RGS9BP: variants seen among roughly 807,000 people sequenced by gnomAD.
RGS9BP encodes regulator of G protein signaling 9 binding protein, also known as regulator of G protein signaling 9-binding protein.
In RGS9BP, 1 loss-of-function variant was observed where a neutral mutation model predicts 3.8. The observed-to-expected ratio is 0.26, with a 90% CI of 0.09 to 1.24. The LOEUF is 1.24. RGS9BP is among the 50% of genes most tolerant of loss of function. The probability of loss-of-function intolerance (pLI) is 0.48; values close to 1 mark genes in which losing one functional copy is unlikely to be tolerated. For synonymous variants in RGS9BP, 200 were observed against 177.8 expected (o/e 1.13, Z -1.00); for missense variants, 363 against 344.3 (o/e 1.05, Z -0.43).
At position 32,676,241 on chromosome 19, in the gene RGS9BP, G is replaced by A. The variant is rs754131587; in HGVS notation, c.-23G>A. 18 of 1,547,750 alleles carry A rather than the reference G, an allele frequency of 1.2e-5. No individual in the cohort carries two copies. The highest frequency in any genetic ancestry group is 1.0e-4 in the South Asian group (9 of 86,084). ...GGGAGGCTAACGGGCGCGGGCGGCC[G>A]GGCCCAGCCGGAGCCCACCGCGATG... On this transcript the variant is annotated 5_prime_UTR_variant, in exon 1 of 1. Coordinates refer to ENST00000334176, the MANE Select transcript of RGS9BP (RefSeq NM_207391.3).
In RGS9BP at chr19:32,676,562, G is replaced by A; in HGVS notation, c.299G>A (p.Gly100Asp). Residue 100 changes from glycine (G) to aspartate (D), a missense_variant, in exon 1 of 1, where the codon GGC (glycine) becomes GAC (aspartate). Physicochemically the swap from Gly to Asp is moderately conservative, Grantham distance 94 (BLOSUM62 -1). Transcript: ENST00000334176. ...GACATGCGACGCGCGCTGGAGCTGGGCGCCGCGTTCCCGCTGCACGCGCCG... is the reference window on the plus strand; with the variant it reads ...GACATGCGACGCGCGCTGGAGCTGGACGCCGCGTTCCCGCTGCACGCGCCG... ...EADMRRALEL[G>D]AAFPLHAPRR... The A allele has an allele frequency of 1.4e-6, 2 of 1,430,816 alleles. No homozygotes were observed. The highest frequency in any genetic ancestry group is 1.8e-6 in the Non-Finnish European group (2 of 1,103,684). The allele number at this position is 1,430,816 out of a possible 1,614,324, so 88.6% of individuals were successfully genotyped here.
rs1341959932 is a variant in RGS9BP, at chr19:32,677,147, C to T, written c.*176C>T. The T allele has an allele frequency of 4.6e-6, 3 of 652,858 alleles. No individual in the cohort carries two copies. Among genetic ancestry groups the T allele is most frequent in the East Asian group, 5.5e-5 (2 of 36,274 alleles). 40.4% of individuals were successfully genotyped at this position (652,858 alleles called of 1,614,324 possible). ...AGGACACGGTTTCCTCTTGCTGGCCCGGGAGGAGTTAACTTTGCGCCGGCC... is the reference window on the plus strand; with the variant it reads ...AGGACACGGTTTCCTCTTGCTGGCCTGGGAGGAGTTAACTTTGCGCCGGCC... On this transcript the variant is annotated 3_prime_UTR_variant, in exon 1 of 1. Coordinates refer to ENST00000334176, the MANE Select transcript of RGS9BP (RefSeq NM_207391.3).
Position 32,678,276 on chromosome 19 carries a change from C to A in RGS9BP, c.*1305C>A, listed in dbSNP as rs542070237. ...TGAAGTTGATAGTCTTCCCCCCCCC[C>A]CACTTTTTTCTTTTTTGAGACAGGG... is the stretch of plus-strand genomic sequence containing the variant. On this transcript the variant is annotated 3_prime_UTR_variant, in exon 1 of 1. Transcript: ENST00000334176. 6.0e-3 allele frequency: 906 copies of A among 150,976 alleles called. 18 individuals carry two copies. Among genetic ancestry groups the A allele is most frequent in the African/African-American group, 0.019 (729 of 37,756 alleles). The allele number at this position is 150,976 out of a possible 1,614,324, so 9.4% of individuals were successfully genotyped here. A position where few individuals can be genotyped will look rare whatever the true frequency, so the allele number is the denominator to read the frequency against.
chr19:32,676,604 G>T lies in RGS9BP; in HGVS notation c.341G>T (p.Arg114Leu), dbSNP rs532414318. ...CACGCGCCGCGGCGGCCGCTGGTGC[G>T]CACAGGTGTGGCTGGCGCCTCCTCC... ...PLHAPRRPLV[R>L]TGVAGASSGV... The change falls in exon 1 of 1, where the codon CGC (arginine) becomes CTC (leucine). Residue 114 changes from arginine (R) to leucine (L), a missense_variant. By Grantham distance (102) the Arg-to-Leu change is moderately radical. Transcript: ENST00000334176. 1 of 1,513,876 alleles carries T rather than the reference G, an allele frequency of 6.6e-7. No homozygotes were observed. The highest frequency in any genetic ancestry group is 2.0e-5 in the Admixed American group (1 of 49,364). The allele number at this position is 1,513,876 out of a possible 1,614,324, so 93.8% of individuals were successfully genotyped here.
At position 32,676,965 on chromosome 19, in the gene RGS9BP, G is replaced by C. The variant is rs748261121; in HGVS notation, c.702G>C (p.Leu234=). ...AVALAVCVAK[L]S ...CCCTAGCCGTGTGCGTGGCGAAGCTGAGCTGACGGACACCCGACGGCCGCC... is the reference window on the plus strand; with the variant it reads ...CCCTAGCCGTGTGCGTGGCGAAGCTCAGCTGACGGACACCCGACGGCCGCC... The change falls in exon 1 of 1, where the codon CTG becomes CTC. Residue 234 remains leucine, a synonymous_variant. Transcript: ENST00000334176. The C allele has an allele frequency of 6.2e-7, 1 of 1,602,858 alleles. No individual in the cohort carries two copies. Among genetic ancestry groups the C allele is most frequent in the Non-Finnish European group, 8.5e-7 (1 of 1,177,388 alleles).
In RGS9BP at chr19:32,677,195, C is replaced by T; in HGVS notation, c.*224C>T. 1.7e-6 allele frequency: 1 copy of T among 605,542 alleles called. No individual in the cohort carries two copies. Among genetic ancestry groups the T allele is most frequent in the Non-Finnish European group, 3.0e-6 (1 of 329,458 alleles). 37.5% of individuals were successfully genotyped at this position (605,542 alleles called of 1,614,324 possible). ...GCCGTCAGGGCATTACCGCTAACGT[C>T]TGCAGGAGCTTTATTCCCTATTAAT... On this transcript the variant is annotated 3_prime_UTR_variant, in exon 1 of 1. Transcript: ENST00000334176.
In RGS9BP at chr19:32,678,024, A is replaced by T. The variant is rs1968038229; in HGVS notation, c.*1053A>T. ...TACTGGCCCACAGAGGTTTTGAGCC[A>T]ATCAGCTCTGAGACTGGGTTAGAAT... On this transcript the variant is annotated 3_prime_UTR_variant, in exon 1 of 1. Coordinates refer to ENST00000334176, the MANE Select transcript of RGS9BP (RefSeq NM_207391.3). The T allele has an allele frequency of 6.0e-6, 1 of 167,144 alleles. No individual in the cohort carries two copies. 10.4% of individuals were successfully genotyped at this position (167,144 alleles called of 1,614,324 possible). A position where few individuals can be genotyped will look rare whatever the true frequency, so the allele number is the denominator to read the frequency against.
In RGS9BP at chr19:32,677,047, TG is replaced by T; in HGVS notation, c.*77del. ...CTCGGGATGGGTGTGGGGTCTGGCC[TG>T]TGCAAGGGGAGTGGTCCTAAAACCC... On this transcript the variant is annotated 3_prime_UTR_variant, in exon 1 of 1. Transcript: ENST00000334176. The T allele has an allele frequency of 7.6e-7, 1 of 1,310,706 alleles. No homozygotes were observed. The highest frequency in any genetic ancestry group is 1.1e-6 in the Non-Finnish European group (1 of 926,904). 81.2% of individuals were successfully genotyped at this position (1,310,706 alleles called of 1,614,324 possible). A position where few individuals can be genotyped will look rare whatever the true frequency, so the allele number is the denominator to read the frequency against.
Position 32,676,305 on chromosome 19 carries a change from C to G in RGS9BP, c.42C>G (p.Asn14Lys). The change falls in exon 1 of 1, where the codon AAC becomes AAG. Residue 14 changes from asparagine to lysine, a missense_variant. Coordinates refer to ENST00000334176, the MANE Select transcript of RGS9BP (RefSeq NM_207391.3). ...GCAAGGCGCTGCTGGACGGGCTCAA[C>G]AAGACGACTGCGTGCTACCACCACC... ...EECKALLDGL[N>K]KTTACYHHLV... 1 of 1,608,040 alleles carries G rather than the reference C, an allele frequency of 6.2e-7. No individual in the cohort carries two copies. The highest frequency in any genetic ancestry group is 8.5e-7 in the Non-Finnish European group (1 of 1,176,832).
chr19:32,676,526 T>C lies in RGS9BP; in HGVS notation c.263T>C (p.Leu88Pro). The C allele has an allele frequency of 2.6e-6, 4 of 1,511,736 alleles. No homozygotes were observed. Among genetic ancestry groups the C allele is most frequent in the Non-Finnish European group, 2.6e-6 (3 of 1,137,552 alleles). 93.6% of individuals were successfully genotyped at this position (1,511,736 alleles called of 1,614,324 possible). Residue 88 changes from leucine to proline, a missense_variant, in exon 1 of 1, where the codon CTG (leucine) becomes CCG (proline). By Grantham distance (98) the Leu-to-Pro change is moderately conservative. Transcript: ENST00000334176. ...GTGGCCTTCTCGGGCTGCCTGGACCTGCTGGAAGCGGACATGCGACGCGCG... is the reference window on the plus strand; with the variant it reads ...GTGGCCTTCTCGGGCTGCCTGGACCCGCTGGAAGCGGACATGCGACGCGCG... ...LWVAFSGCLD[L>P]LEADMRRALE...
At position 32,676,210 on chromosome 19, in the gene RGS9BP, C is replaced by A; in HGVS notation, c.-54C>A. 7.6e-7 allele frequency: 1 copy of A among 1,320,404 alleles called. No individual in the cohort carries two copies. Among genetic ancestry groups the A allele is most frequent in the Non-Finnish European group, 1.1e-6 (1 of 951,656 alleles). 81.8% of individuals were successfully genotyped at this position (1,320,404 alleles called of 1,614,324 possible). A position where few individuals can be genotyped will look rare whatever the true frequency, so the allele number is the denominator to read the frequency against. ...TGGGGGTTAGCCACATCCTGCCGCG[C>A]TGAGGGGGAGGCTAACGGGCGCGGG... On this transcript the variant is annotated 5_prime_UTR_variant, in exon 1 of 1. It adds an upstream start codon to the 5' untranslated region. Coordinates refer to ENST00000334176, the MANE Select transcript of RGS9BP (RefSeq NM_207391.3).
rs368748460 is a variant in RGS9BP, at chr19:32,676,979, C to A, written c.*8C>A. 1.2e-3 allele frequency: 1,976 copies of A among 1,591,876 alleles called. 1 individual carries two copies. The highest frequency in any genetic ancestry group is 1.7e-3 in the Middle Eastern group (8 of 4,800). ...GTGGCGAAGCTGAGCTGACGGACACCCGACGGCCGCCTGCTGCTGCCGCTC... is the reference window on the plus strand; with the variant it reads ...GTGGCGAAGCTGAGCTGACGGACACACGACGGCCGCCTGCTGCTGCCGCTC... On this transcript the variant is annotated 3_prime_UTR_variant, in exon 1 of 1. Coordinates refer to ENST00000334176, the MANE Select transcript of RGS9BP (RefSeq NM_207391.3).
rs1454057690 is a variant in RGS9BP, at chr19:32,675,921, C to G, written c.-343C>G. 4.2e-6 allele frequency: 1 copy of G among 236,722 alleles called. No individual in the cohort carries two copies. Among genetic ancestry groups the G allele is most frequent in the Non-Finnish European group, 8.2e-6 (1 of 122,418 alleles). The allele number at this position is 236,722 out of a possible 1,614,324, so 14.7% of individuals were successfully genotyped here. On this transcript the variant is annotated 5_prime_UTR_variant, in exon 1 of 1. Coordinates refer to ENST00000334176, the MANE Select transcript of RGS9BP (RefSeq NM_207391.3). ...AGCCTGCTTGCCCCGGAGTTGGCAC[C>G]CACGGAGGATGGGGACCGCACCCTC...
Position 32,677,099 on chromosome 19 carries a change from T to C in RGS9BP, c.*128T>C. ...CGTGTGTGCATGGGTACACGCGCGTTTCCAGTGCACATCTGCCTGGGCAGG... is the reference window on the plus strand; with the variant it reads ...CGTGTGTGCATGGGTACACGCGCGTCTCCAGTGCACATCTGCCTGGGCAGG... On this transcript the variant is annotated 3_prime_UTR_variant, in exon 1 of 1. Coordinates refer to ENST00000334176, the MANE Select transcript of RGS9BP (RefSeq NM_207391.3). 1.2e-6 allele frequency: 1 copy of C among 811,474 alleles called. No homozygotes were observed. Among genetic ancestry groups the C allele is most frequent in the Non-Finnish European group, 2.1e-6 (1 of 480,440 alleles). 50.3% of individuals were successfully genotyped at this position (811,474 alleles called of 1,614,324 possible). A position where few individuals can be genotyped will look rare whatever the true frequency, so the allele number is the denominator to read the frequency against.
In RGS9BP at chr19:32,677,143, G is replaced by T. The variant is rs1968025435; in HGVS notation, c.*172G>T. The T allele has an allele frequency of 4.6e-6, 3 of 656,708 alleles. No individual in the cohort carries two copies. The South Asian group carries it at 5.3e-5, about 12-fold the overall frequency. 40.7% of individuals were successfully genotyped at this position (656,708 alleles called of 1,614,324 possible). On this transcript the variant is annotated 3_prime_UTR_variant, in exon 1 of 1. Transcript: ENST00000334176. ...GGGCAGGACACGGTTTCCTCTTGCT[G>T]GCCCGGGAGGAGTTAACTTTGCGCC...
At position 32,676,628 on chromosome 19, in the gene RGS9BP, C is replaced by T. The variant is rs749927570; in HGVS notation, c.365C>T (p.Ser122Phe). 6 of 1,530,486 alleles carry T rather than the reference C, an allele frequency of 3.9e-6. No individual in the cohort carries two copies. In the African/African-American group the frequency reaches 8.3e-5, roughly 21 times the overall value. 94.8% of individuals were successfully genotyped at this position (1,530,486 alleles called of 1,614,324 possible). A position where few individuals can be genotyped will look rare whatever the true frequency, so the allele number is the denominator to read the frequency against. Residue 122 changes from serine (S) to phenylalanine (F), a missense_variant, in exon 1 of 1, where the codon TCC becomes TTC. Physicochemically the swap from Ser to Phe is radical, Grantham distance 155. Coordinates refer to ENST00000334176, the MANE Select transcript of RGS9BP (RefSeq NM_207391.3). ...LVRTGVAGAS[S>F]GVAARALSTR... ...CGCACAGGTGTGGCTGGCGCCTCCT[C>T]CGGCGTGGCGGCGCGCGCGCTGAGC...
In RGS9BP at chr19:32,676,515, C is replaced by A; in HGVS notation, c.252C>A (p.Gly84=). Residue 84 remains glycine (G), a synonymous_variant, in exon 1 of 1, where the codon GGC becomes GGA. Coordinates refer to ENST00000334176, the MANE Select transcript of RGS9BP (RefSeq NM_207391.3). ...AGCGGCTCTGGGTGGCCTTCTCGGG[C>A]TGCCTGGACCTGCTGGAAGCGGACA... ...EFERLWVAFS[G]CLDLLEADMR... 1 of 1,522,076 alleles carries A rather than the reference C, an allele frequency of 6.6e-7. No homozygotes were observed. Among genetic ancestry groups the A allele is most frequent in the Admixed American group, 2.0e-5 (1 of 49,878 alleles). The allele number at this position is 1,522,076 out of a possible 1,614,324, so 94.3% of individuals were successfully genotyped here. A position where few individuals can be genotyped will look rare whatever the true frequency, so the allele number is the denominator to read the frequency against.
rs1196988731 is a variant in RGS9BP at position 32,677,979 on chromosome 19, C to T, written c.*1008C>T. ...CTCCCTGACCCCCGCGCTGCCCGCC[C>T]CTCCGGGGTAATGTGGCATTACTGG... On this transcript the variant is annotated 3_prime_UTR_variant, in exon 1 of 1. Coordinates refer to ENST00000334176, the MANE Select transcript of RGS9BP (RefSeq NM_207391.3). 1.2e-5 allele frequency: 2 copies of T among 167,170 alleles called. No homozygotes were observed. Among genetic ancestry groups the T allele is most frequent in the African/African-American group, 2.4e-5 (1 of 41,460 alleles). 10.4% of individuals were successfully genotyped at this position (167,170 alleles called of 1,614,324 possible).
rs1028270022 is a variant in RGS9BP at position 32,677,409 on chromosome 19, T to C, written c.*438T>C. The C allele has an allele frequency of 1.6e-5, 3 of 191,652 alleles. No homozygotes were observed. Among genetic ancestry groups the C allele is most frequent in the Non-Finnish European group, 2.4e-5 (2 of 83,424 alleles). 11.9% of individuals were successfully genotyped at this position (191,652 alleles called of 1,614,324 possible). The stretch of plus-strand genomic sequence containing the variant: ...TGGAGAGGGACGCTGTTTGGTTCTA[T>C]GTGGTTGGTCTGTTTCCCGGACAAG... On this transcript the variant is annotated 3_prime_UTR_variant, in exon 1 of 1. Coordinates refer to ENST00000334176, the MANE Select transcript of RGS9BP (RefSeq NM_207391.3).
Sources: gnomAD v4.1 joint callset for allele counts on GRCh38, gnomAD v4.1.1 for gene constraint, MANE v1.5 for transcripts, NCBI Gene and HGNC (gene_info 2026-07-23, HGNC 2026-07-21) for gene names.